The following ZPBP variants were observed in gnomAD, a reference collection of about 807,000 sequenced individuals.
The protein encoded by ZPBP is zona pellucida-binding protein 1.
ZPBP carries 26 observed loss-of-function variants against 44.8 expected under a neutral mutation model. The observed-to-expected ratio is 0.58, with a 90% CI of 0.43 to 0.81. The LOEUF (loss-of-function observed/expected upper bound fraction) is 0.81, where lower values mean the gene tolerates loss of function less well. Among genes scored for constraint, ZPBP ranks in the 30% least tolerant of loss-of-function variants. The pLI is 0.00. For missense variants in ZPBP, 409 were observed against 434.0 expected (o/e 0.94, Z 0.51); for synonymous variants, 174 against 153.2 (o/e 1.14, Z -1.00).
intron 7 of ZPBP, among the ~76,000 whole-genome samples, chr7:49,981,864 A>G (rs200773157): frequency 0.81 from 33,608 of 41,478 alleles, 13,472 homozygotes; most frequent in East Asian, 0.93. Context: ...TGAATTATAT[A>G]GATTATATAA....
At chr7:49,953,288 A>G (rs916047479) in intron 7 of ZPBP, among the ~76,000 whole-genome samples, 1 of 152,120 alleles carries the variant, frequency 6.6e-6, no homozygotes, top group African/African-American at 2.4e-5. Context: ...TTTCTCCAAA[A>G]TATTTTACAC....
At chr7:49,953,865 T>C (rs1338893004) in intron 7 of ZPBP, among the ~76,000 whole-genome samples, 1 of 152,152 alleles carries the variant, frequency 6.6e-6, no homozygotes, top group Non-Finnish European at 1.5e-5. Flanking sequence ...CTTAATATTG[T>C]TAAGATGTTA....
intron 7 of ZPBP, among the ~76,000 whole-genome samples, chr7:49,969,509 C>CAAA (rs35476493): frequency 1.2e-4 from 16 of 138,492 alleles, no homozygotes; most frequent in African/African-American, 2.7e-4. Context: ...ATAGTATGGT[C>CAAA]AAAAAAAAAA....
chr7:49,930,658 T>G (rs3850669), intron 1 of ZPBP, among the ~76,000 whole-genome samples: 113,907 of 152,082 alleles, frequency 0.75, 42,900 homozygotes, highest in East Asian at 0.89. Flanking sequence ...GTATAATCCT[T>G]AGAAAATACA....
At chr7:49,897,504 T>TA (rs1359379324) in intron 2 of ZPBP, among the ~76,000 whole-genome samples, 3 of 152,202 alleles carry the variant, frequency 2.0e-5, no homozygotes, top group African/African-American at 7.2e-5. Flanking sequence ...CACTGATCAA[T>TA]AGAGTTTCCA....
At chr7:49,880,160 CTAAGAG>C (rs1791605023) in intron 2 of ZPBP, among the ~76,000 whole-genome samples, 1 of 152,132 alleles carries the variant, frequency 6.6e-6, no homozygotes, top group African/African-American at 2.4e-5. Flanking sequence ...CAATATTTTA[CTAAGAG>C]TATCTGCTAA....
At chr7:49,904,642 T>C (rs185520471) in intron 1 of ZPBP, among the ~76,000 whole-genome samples, 1 of 152,166 alleles carries the variant, frequency 6.6e-6, no homozygotes, top group African/African-American at 2.4e-5. Flanking sequence ...TACATGGTTT[T>C]TATTCAAAAA....
chr7:50,090,604 CG>C (rs1802927439), intron 1 of ZPBP, among the ~76,000 whole-genome samples: 1 of 62,118 alleles, frequency 1.6e-5, no homozygotes, highest in Admixed American at 2.0e-4. Context: ...CGTATATATG[CG>C]TATATATGTG....
intron 7 of ZPBP, among the ~76,000 whole-genome samples, chr7:49,962,349 C>T (rs1795893415): frequency 6.6e-6 from 1 of 151,722 alleles, no homozygotes; most frequent in Non-Finnish European, 1.5e-5. Context: ...TAACATATGT[C>T]AATCAATCAA....
intron 2 of ZPBP, among the ~76,000 whole-genome samples, chr7:49,872,523 G>T (rs987291050): frequency 2.0e-5 from 3 of 151,032 alleles, no homozygotes; most frequent in African/African-American, 7.3e-5. Context: ...GGCTTACGGG[G>T]AATGAAAATT....
At chr7:49,911,821 C>T (rs1384080341) in intron 1 of ZPBP, among the ~76,000 whole-genome samples, 3 of 151,548 alleles carry the variant, frequency 2.0e-5, no homozygotes, top group African/African-American at 4.9e-5. Flanking sequence ...TGCCTGAATC[C>T]GGGAGGCAGA....
At chr7:50,055,584 C>T (rs1800900205) in intron 4 of ZPBP, among the ~76,000 whole-genome samples, 1 of 152,080 alleles carries the variant, frequency 6.6e-6, no homozygotes, top group African/African-American at 2.4e-5. Context: ...CACTCTGTTT[C>T]CTTACATTTA....
intron 6 of ZPBP, among the ~76,000 whole-genome samples, chr7:49,988,745 T>C (rs1797432038): frequency 6.6e-6 from 1 of 152,224 alleles, no homozygotes; most frequent in African/African-American, 2.4e-5. Flanking sequence ...CTCTGGAGAT[T>C]GTGACATTGG....
At chr7:49,961,378 T>A (rs1583921155) in intron 7 of ZPBP, among the ~76,000 whole-genome samples, 1 of 152,182 alleles carries the variant, frequency 6.6e-6, no homozygotes, top group African/African-American at 2.4e-5. Flanking sequence ...ATATACTACA[T>A]GTCTATTTGT....
chr7:49,976,380 G>A (rs1796519534), intron 7 of ZPBP, among the ~76,000 whole-genome samples: 1 of 152,058 alleles, frequency 6.6e-6, no homozygotes, highest in African/African-American at 2.4e-5. Flanking sequence ...GTCTAATGGT[G>A]TTTTGATTTT....
intron 7 of ZPBP, chr7:49,943,475 T>TTAGA: frequency 2.2e-6 from 1 of 456,406 alleles, no homozygotes; most frequent in Non-Finnish European, 4.3e-6. Context: ...TTGCCAACAT[T>TTAGA]TAGATAGCCA....
intron 1 of ZPBP, among the ~76,000 whole-genome samples, chr7:49,932,087 G>A (rs1488971215): frequency 6.6e-6 from 1 of 152,236 alleles, no homozygotes; most frequent in Admixed American, 6.5e-5. Context: ...TGTCCAGGCA[G>A]AGGTGTGCTG....
At chr7:49,943,325 TC>T (rs1794965770) in intron 7 of ZPBP, 2 of 288,028 alleles carry the variant, frequency 6.9e-6, no homozygotes, top group South Asian at 7.1e-5. Context: ...TGTCTTCAAG[TC>T]CTCAGAAGAG....
chr7:49,842,366 C>T, the ZPBP span, among the ~76,000 whole-genome samples: 4 of 152,250 alleles, frequency 2.6e-5, no homozygotes, highest in South Asian at 2.1e-4. Context: ...GTTACTAAAA[C>T]GTCATGACAT....
Sources: allele counts gnomAD v4.1 joint callset (sites outside exome capture counted in the v4.1 genomes callset), GRCh38; gene constraint gnomAD v4.1.1; transcripts MANE v1.5; gene names NCBI Gene and HGNC (gene_info 2026-07-23, HGNC 2026-07-21).